Variants in ANKFN1 observed in about 807,000 individuals in gnomAD.
The protein encoded by ANKFN1 is ankyrin repeat and fibronectin type III domain containing 1.
In ANKFN1, 74 loss-of-function variants were observed where a neutral mutation model predicts 108.7. The observed-to-expected ratio is 0.68, with a 90% CI of 0.56 to 0.83. The LOEUF is 0.83. Among genes scored for constraint, ANKFN1 ranks in the 40% least tolerant of loss-of-function variants. ANKFN1 has a pLI of 0.00. For missense variants in ANKFN1, 1,505 were observed against 1,382.3 expected, an observed-to-expected ratio of 1.09 and a Z score of -1.41; for synonymous variants, 547 against 516.2, an observed-to-expected ratio of 1.06 and a Z score of -0.81.
At chr17:56,262,818 C>T (rs2043550846) in intron 3 of ANKFN1, among the ~76,000 whole-genome samples, 1 of 150,990 alleles carries the variant, frequency 6.6e-6, no homozygotes, top group South Asian at 2.1e-4. Context: ...CCTCACAGAG[C>T]AGTAACACAG....
Position 56,510,555 on chromosome 17 carries a change from G to A in ANKFN1, c.2727G>A (p.Leu909=), listed in dbSNP as rs2051713280. ...TNSDYDSSDA[L]SPRDLDLVYL... ...GTGACTACGACTCCAGCGATGCCCTGAGCCCCAGAGACCTGGACCTGGTCT... is the reference window on the plus strand; with the variant it reads ...GTGACTACGACTCCAGCGATGCCCTAAGCCCCAGAGACCTGGACCTGGTCT... Residue 909 remains leucine (L), a synonymous_variant, in exon 21 of 21, where the codon CTG becomes CTA. Transcript: ENST00000682825. The A allele has an allele frequency of 2.0e-6, 3 of 1,536,042 alleles. No individual in the cohort carries two copies. The highest frequency in any genetic ancestry group is 2.4e-5 in the South Asian group (2 of 84,062).
Position 56,441,802 on chromosome 17 carries a change from T to C in ANKFN1, c.1009-1041T>C, listed in dbSNP as rs142327154. 5.3e-5 allele frequency among the ~76,000 whole-genome samples: 8 copies of C among 152,288 alleles called. No homozygotes were observed. The South Asian group carries it at 1.7e-3, about 32-fold the overall frequency. The stretch of plus-strand genomic sequence containing the variant: ...TATACTTTACACAATCTCTATAACT[T>C]TGAGGGTCATAGAAACCCATTTTCA... On this transcript the variant is annotated intron_variant, in intron 9 of 20. Coordinates refer to ENST00000682825, the MANE Select transcript of ANKFN1 (RefSeq NM_001370326.1).
intron 1 of ANKFN1, among the ~76,000 whole-genome samples, chr17:56,174,971 ATCTC>A (rs981750004): frequency 4.6e-5 from 7 of 152,054 alleles, no homozygotes; most frequent in Admixed American, 4.6e-4. Context: ...GGAGTTAATT[ATCTC>A]TCTCTGTGCC....
intron 8 of ANKFN1, among the ~76,000 whole-genome samples, chr17:56,420,392 A>G (rs2048363003): frequency 6.6e-6 from 1 of 152,232 alleles, no homozygotes; most frequent in African/African-American, 2.4e-5. Context: ...TTATGATACT[A>G]AAGTTGGAGT....
At chr17:56,407,829 C>G (rs908247814) in intron 8 of ANKFN1, among the ~76,000 whole-genome samples, 4 of 151,732 alleles carry the variant, frequency 2.6e-5, no homozygotes, top group African/African-American at 9.7e-5. Context: ...TTTCTTGATG[C>G]TTTCTTCAAT....
At chr17:56,188,939 A>G (rs1050361323) in intron 1 of ANKFN1, among the ~76,000 whole-genome samples, 2 of 151,948 alleles carry the variant, frequency 1.3e-5, no homozygotes, top group Non-Finnish European at 2.9e-5. Context: ...GACTGGAGAC[A>G]GAGTTAATCA....
intron 14 of ANKFN1, among the ~76,000 whole-genome samples, chr17:56,459,123 G>T (rs1258302407): frequency 6.6e-6 from 1 of 151,948 alleles, no homozygotes; most frequent in African/African-American, 2.4e-5. Flanking sequence ...GGTTGGTGGT[G>T]GTGGTGGAAT....
intron 19 of ANKFN1, among the ~76,000 whole-genome samples, chr17:56,496,527 C>T (rs1383002371): frequency 6.6e-6 from 1 of 152,108 alleles, no homozygotes; most frequent in Non-Finnish European, 1.5e-5. Context: ...TCTTCAGTTT[C>T]TGATGGCTGT....
chr17:56,457,189 TC>T, intron 12 of ANKFN1, 67 bp from the exon 13 acceptor site: 1 of 1,436,164 alleles, frequency 7.0e-7, no homozygotes, highest in Non-Finnish European at 9.4e-7. Flanking sequence ...TCATCTTTTA[TC>T]ACATCCAAAA....
At chr17:56,067,471 A>G (rs1353956823) in intron 4 of ANKFN1, among the ~76,000 whole-genome samples, 1 of 152,142 alleles carries the variant, frequency 6.6e-6, no homozygotes, top group African/African-American at 2.4e-5. Context: ...TGAAGCCTCA[A>G]CTACCCTTCA....
At chr17:56,193,779 G>A (rs768848124) in intron 1 of ANKFN1, among the ~76,000 whole-genome samples, 2 of 152,152 alleles carry the variant, frequency 1.3e-5, no homozygotes, top group Non-Finnish European at 2.9e-5. Flanking sequence ...TGATAAGCCA[G>A]ACTTCATTAA....
At chr17:56,303,851 A>ATTTTTTTTT (rs34077118) in intron 3 of ANKFN1, among the ~76,000 whole-genome samples, 60 of 131,906 alleles carry the variant, frequency 4.5e-4, no homozygotes, top group African/African-American at 1.6e-3. Context: ...CGCTGAGCCA[A>ATTTTTTTTT]TTTTTTTTTT....
At chr17:56,396,218 C>T (rs1035323905) in intron 8 of ANKFN1, among the ~76,000 whole-genome samples, 20 of 152,162 alleles carry the variant, frequency 1.3e-4, no homozygotes, top group Non-Finnish European at 2.2e-4. Context: ...GAGGCCAAGG[C>T]GGGCAGATCA....
intron 4 of ANKFN1, among the ~76,000 whole-genome samples, chr17:56,070,938 G>A (rs944945334): frequency 1.3e-5 from 2 of 152,044 alleles, no homozygotes; most frequent in African/African-American, 4.8e-5. Flanking sequence ...GTTTCACCAT[G>A]TTGGCCAGGA....
chr17:56,310,309 T>A (rs2044975891), intron 3 of ANKFN1, among the ~76,000 whole-genome samples: 1 of 152,208 alleles, frequency 6.6e-6, no homozygotes, highest in African/African-American at 2.4e-5. Flanking sequence ...TAGGAGAGAC[T>A]GCTGTGCTTT....
At chr17:56,446,522 T>C (rs1198252738) in intron 10 of ANKFN1, among the ~76,000 whole-genome samples, 1 of 152,208 alleles carries the variant, frequency 6.6e-6, no homozygotes, top group African/African-American at 2.4e-5. Context: ...TATCTTATCC[T>C]ACCTGAACAT....
chr17:56,218,289 A>C (rs1598258722), intron 2 of ANKFN1, among the ~76,000 whole-genome samples: 1 of 150,110 alleles, frequency 6.7e-6, no homozygotes, highest in Non-Finnish European at 1.5e-5. Context: ...GGGTTAATTA[A>C]ATAACTCCTT....
chr17:56,459,578 C>T (rs1396677876), intron 14 of ANKFN1, among the ~76,000 whole-genome samples: 2 of 152,216 alleles, frequency 1.3e-5, no homozygotes, highest in Non-Finnish European at 2.9e-5. Context: ...AGGATAAATA[C>T]ATTCCTAAGA....
At chr17:56,334,117 T>C (rs1215863230) in intron 4 of ANKFN1, among the ~76,000 whole-genome samples, 2 of 152,184 alleles carry the variant, frequency 1.3e-5, no homozygotes, top group Non-Finnish European at 2.9e-5. Context: ...TACAATGGAA[T>C]ACGTCTCAGC....
Sources: gnomAD v4.1 joint callset for allele counts (sites outside exome capture counted in the v4.1 genomes callset) on GRCh38, gnomAD v4.1.1 for gene constraint, MANE v1.5 for transcripts, NCBI Gene and HGNC (gene_info 2026-07-23, HGNC 2026-07-21) for gene names.